CNTNAP2: variants seen among roughly 807,000 people sequenced by gnomAD.
CNTNAP2 encodes contactin-associated protein-like 2.
In CNTNAP2, 98 loss-of-function variants were observed where a neutral mutation model predicts 155.2. The observed-to-expected ratio is 0.63, with a 90% CI of 0.54 to 0.75. The LOEUF is 0.75. CNTNAP2 is among the 30% of genes least tolerant of loss of function. The pLI is 0.00. For synonymous variants in CNTNAP2, 651 were observed against 631.2 expected (o/e 1.03, Z -0.47); for missense variants, 1,727 against 1,688.1 (o/e 1.02, Z -0.40).
chr7:146,635,170 A>G (rs1447093952), intron 1 of CNTNAP2, among the ~76,000 whole-genome samples: 1 of 152,320 alleles, frequency 6.6e-6, no homozygotes, highest in East Asian at 1.9e-4. Context: ...AGATGAAGGA[A>G]GAAAGGAATG....
chr7:147,658,092 T>TA (rs1267321527), intron 13 of CNTNAP2, among the ~76,000 whole-genome samples: 3 of 140,512 alleles, frequency 2.1e-5, no homozygotes, highest in African/African-American at 7.7e-5. Context: ...CCGTCTCTAC[T>TA]AAAAAATACA....
At chr7:147,391,829 C>A (rs1447734473) in intron 9 of CNTNAP2, among the ~76,000 whole-genome samples, 1 of 149,600 alleles carries the variant, frequency 6.7e-6, no homozygotes, top group Non-Finnish European at 1.5e-5. Flanking sequence ...GGAATTTGAT[C>A]TTTGCTTAGA....
At chr7:147,904,900 TACACACACACACACAC>T (rs58242194) in intron 14 of CNTNAP2, among the ~76,000 whole-genome samples, 3 of 149,086 alleles carry the variant, frequency 2.0e-5, no homozygotes, top group African/African-American at 7.4e-5. Context: ...AAGATGTATC[TACACACACACACACAC>T]ACACACACAC....
chr7:148,141,959 G>A (rs1473400756), intron 16 of CNTNAP2, among the ~76,000 whole-genome samples: 1 of 152,174 alleles, frequency 6.6e-6, no homozygotes, highest in Non-Finnish European at 1.5e-5. Context: ...AATAGATATG[G>A]GGAGTACAGA....
At chr7:147,602,359 AT>A (rs35409223) in intron 12 of CNTNAP2, among the ~76,000 whole-genome samples, 99,039 of 146,206 alleles carry the variant, frequency 0.68, 33,366 homozygotes, top group African/African-American at 0.75. Context: ...ACTTCAGTCT[AT>A]TTTTTTTTTT....
At chr7:147,193,161 A>G (rs976202410) in intron 8 of CNTNAP2, among the ~76,000 whole-genome samples, 5 of 152,204 alleles carry the variant, frequency 3.3e-5, no homozygotes, top group Admixed American at 2.6e-4. Flanking sequence ...ACAAAATTCA[A>G]GGTTATTCAT....
At chr7:146,805,131 G>C (rs1345190291) in intron 2 of CNTNAP2, among the ~76,000 whole-genome samples, 1 of 152,150 alleles carries the variant, frequency 6.6e-6, no homozygotes, top group Non-Finnish European at 1.5e-5. Context: ...AGGAATCATA[G>C]TGTTTGGGGT....
At chr7:147,425,267 TTA>T (rs1491363819) in intron 10 of CNTNAP2, among the ~76,000 whole-genome samples, 2 of 14,204 alleles carry the variant, frequency 1.4e-4, no homozygotes, top group Non-Finnish European at 2.6e-4. Context: ...ACCATTGCCT[TTA>T]AAAAAAAAAA....
intron 1 of CNTNAP2, among the ~76,000 whole-genome samples, chr7:146,393,073 G>C (rs1237126496): frequency 6.6e-6 from 1 of 152,112 alleles, no homozygotes; most frequent in Non-Finnish European, 1.5e-5. Context: ...GAAGAAAATA[G>C]TGCTTTTTGC....
intron 14 of CNTNAP2, among the ~76,000 whole-genome samples, chr7:147,911,457 T>C (rs1452357821): frequency 1.3e-5 from 2 of 152,184 alleles, no homozygotes; most frequent in Admixed American, 6.5e-5. Context: ...CTGGAACCAT[T>C]TGGTCTTTTC....
chr7:148,256,613 A>T lies in CNTNAP2; in HGVS notation c.3382-10420A>T, dbSNP rs577563206. ...GAGGAAACACATACTGAAACCAGCC[A>T]CTTTTCTCTTTTTGCCTTCTCACAG... On this transcript the variant is annotated intron_variant, in intron 20 of 23. Coordinates refer to ENST00000361727, the MANE Select transcript of CNTNAP2 (RefSeq NM_014141.6). Among the ~76,000 whole-genome samples the T allele has an allele frequency of 9.9e-5, 15 of 152,132 alleles. 1 individual carries two copies. In the South Asian group the frequency reaches 2.7e-3, roughly 27 times the overall value.
intron 9 of CNTNAP2, among the ~76,000 whole-genome samples, chr7:147,374,401 T>C (rs1796399886): frequency 6.6e-6 from 1 of 152,118 alleles, no homozygotes; most frequent in Non-Finnish European, 1.5e-5. Flanking sequence ...AACCACAATT[T>C]AAACATTCAT....
At chr7:146,179,053 T>C (rs35677301) in intron 1 of CNTNAP2, among the ~76,000 whole-genome samples, 19,728 of 152,266 alleles carry the variant, frequency 0.13, 1,600 homozygotes, top group Middle Eastern at 0.19. Context: ...AACCAGGTCA[T>C]GTGTCACTCA....
intron 3 of CNTNAP2, among the ~76,000 whole-genome samples, chr7:146,863,422 G>A (rs1370071216): frequency 1.3e-5 from 2 of 152,042 alleles, no homozygotes; most frequent in South Asian, 2.1e-4. Context: ...TAAGAGGTAT[G>A]TCTTTCATAT....
intron 1 of CNTNAP2, among the ~76,000 whole-genome samples, chr7:146,637,210 A>T (rs2129160179): frequency 6.6e-6 from 1 of 152,324 alleles, no homozygotes; most frequent in Admixed American, 6.5e-5. Context: ...ATTCTCTGAT[A>T]CATTTATTGG....
chr7:147,401,117 G>T (rs1796905279), intron 10 of CNTNAP2, among the ~76,000 whole-genome samples: 1 of 152,162 alleles, frequency 6.6e-6, no homozygotes, highest in Non-Finnish European at 1.5e-5. Context: ...AATTCATATT[G>T]TTAGAGCCAG....
In CNTNAP2 at chr7:146,298,265, C is replaced by T. The variant is rs1331085121; in HGVS notation, c.97+181292C>T. On this transcript the variant is annotated intron_variant, in intron 1 of 23. Coordinates refer to ENST00000361727, the MANE Select transcript of CNTNAP2 (RefSeq NM_014141.6). ...ATTGAGTTATTGTTCTGTGTTTCTT[C>T]ACGAGTCTTCAAAAAGTCTATACTG... Among the ~76,000 whole-genome samples the T allele has an allele frequency of 3.3e-5, 5 of 152,230 alleles. No homozygotes were observed. In the South Asian group the frequency reaches 8.3e-4, roughly 25 times the overall value.
chr7:147,448,484 G>GTATATATATATATATATATATATATA (rs10683190), intron 10 of CNTNAP2, among the ~76,000 whole-genome samples: 1 of 143,414 alleles, frequency 7.0e-6, no homozygotes, highest in African/African-American at 2.6e-5. Context: ...GTGTGTGTGT[G>GTATATATATATATATATATATATATA]TATATATATA....
intron 2 of CNTNAP2, among the ~76,000 whole-genome samples, chr7:146,824,714 A>C (rs545694078): frequency 6.6e-6 from 1 of 152,030 alleles, no homozygotes; most frequent in Non-Finnish European, 1.5e-5. Flanking sequence ...GCTTTTTGTT[A>C]TAATATGTTA....
Sources: gnomAD v4.1 joint callset for allele counts (sites outside exome capture counted in the v4.1 genomes callset) on GRCh38, gnomAD v4.1.1 for gene constraint, MANE v1.5 for transcripts, NCBI Gene and HGNC (gene_info 2026-07-23, HGNC 2026-07-21) for gene names.